The following SOX5 variants were observed in gnomAD, a reference collection of about 807,000 sequenced individuals.
The protein encoded by SOX5 is SRY-box transcription factor 5.
Under a neutral mutation model 92.0 loss-of-function variants are expected in SOX5, and 9 were observed. That is an observed-to-expected ratio of 0.10 (90% confidence interval 0.06 to 0.17). SOX5 has a LOEUF of 0.17. Among genes scored for constraint, SOX5 ranks in the 10% least tolerant of loss-of-function variants. The pLI is 1.00. For synonymous variants in SOX5, 344 were observed against 336.3 expected (o/e 1.02, Z -0.25); for missense variants, 642 against 944.5 (o/e 0.68, Z 4.20).
intron 4 of SOX5, among the ~76,000 whole-genome samples, chr12:24,183,384 G>A (rs944809293): frequency 6.6e-6 from 1 of 152,170 alleles, no homozygotes; most frequent in Admixed American, 6.5e-5. Flanking sequence ...ATCCATGAAT[G>A]ACTGCAAAGG....
chr12:23,686,166 G>C (rs556796835), intron 6 of SOX5, among the ~76,000 whole-genome samples: 1 of 152,234 alleles, frequency 6.6e-6, no homozygotes, highest in South Asian at 2.1e-4. Context: ...TGCTGAAATA[G>C]TATCAGGTTC....
chr12:23,662,168 T>TAG (rs973601766), intron 7 of SOX5, among the ~76,000 whole-genome samples: 25 of 151,410 alleles, frequency 1.7e-4, no homozygotes, highest in African/African-American at 4.6e-4. Flanking sequence ...CATATATATA[T>TAG]ATAGAGAGAG....
chr12:24,060,365 C>G (rs1939431189), intron 4 of SOX5, among the ~76,000 whole-genome samples: 2 of 152,232 alleles, frequency 1.3e-5, no homozygotes, highest in African/African-American at 4.8e-5. Flanking sequence ...GTACTGCACT[C>G]TTATACTCTC....
At chr12:24,080,482 G>A (rs1943191929) in intron 4 of SOX5, among the ~76,000 whole-genome samples, 2 of 151,922 alleles carry the variant, frequency 1.3e-5, no homozygotes, top group South Asian at 4.1e-4. Context: ...AATGAAATTT[G>A]GCTTAGTTGA....
intron 2 of SOX5, among the ~76,000 whole-genome samples, chr12:24,331,703 T>C (rs1012526079): frequency 1.4e-4 from 21 of 150,576 alleles, no homozygotes; most frequent in African/African-American, 4.6e-4. Context: ...CAAAAATTAG[T>C]TGGGTGTGGT....
At chr12:23,945,812 T>C (rs1214667248) in intron 1 of SOX5, among the ~76,000 whole-genome samples, 6 of 152,142 alleles carry the variant, frequency 3.9e-5, no homozygotes, top group Non-Finnish European at 7.4e-5. Flanking sequence ...AATGTACTTA[T>C]CACTCATGAG....
chr12:24,375,139 A>AT (rs796125806), intron 1 of SOX5, among the ~76,000 whole-genome samples: 47 of 151,514 alleles, frequency 3.1e-4, no homozygotes, highest in African/African-American at 1.1e-3. Context: ...CGCCCAGCTA[A>AT]TTTTTTTGTA....
At chr12:23,686,353 T>C (rs1477668457) in intron 6 of SOX5, among the ~76,000 whole-genome samples, 2 of 152,214 alleles carry the variant, frequency 1.3e-5, no homozygotes, top group East Asian at 1.9e-4. Flanking sequence ...TTTATTTATT[T>C]ATTTTTGTAT....
At chr12:23,852,405 A>G (rs973600260) in intron 2 of SOX5, among the ~76,000 whole-genome samples, 1 of 152,172 alleles carries the variant, frequency 6.6e-6, no homozygotes, top group Non-Finnish European at 1.5e-5. Context: ...TTATACTTCA[A>G]AAATATAATC....
chr12:24,057,551 A>C (rs947895498), intron 4 of SOX5, among the ~76,000 whole-genome samples: 2 of 152,204 alleles, frequency 1.3e-5, no homozygotes, highest in Non-Finnish European at 2.9e-5. Context: ...TTTCATCGCA[A>C]ATGCAAATTG....
At position 23,717,828 on chromosome 12, in the gene SOX5, G is replaced by A. The variant is rs80179990; in HGVS notation, c.810+16856C>T. Among the ~76,000 whole-genome samples, 1,503 of 152,270 alleles carry A rather than the reference G, an allele frequency of 9.9e-3. 51 individuals carry two copies. The highest frequency in any genetic ancestry group is 0.061 in the Admixed American group (934 of 15,284). On this transcript the variant is annotated intron_variant, in intron 6 of 14. Transcript: ENST00000451604. ...TTCTCCTTTAAGTTAACACTGTACT[G>A]CAAAGAGAAAAGTTTTATAACTATA...
intron 2 of SOX5, among the ~76,000 whole-genome samples, chr12:23,891,357 T>C (rs2097128046): frequency 6.6e-6 from 1 of 152,168 alleles, no homozygotes; most frequent in Admixed American, 6.5e-5. Flanking sequence ...TCCTACTTCC[T>C]CAAAGTCTTT....
intron 4 of SOX5, among the ~76,000 whole-genome samples, chr12:24,042,264 G>A (rs550058148): frequency 5.3e-5 from 8 of 151,892 alleles, no homozygotes; most frequent in African/African-American, 1.7e-4. Flanking sequence ...TAATAAATAC[G>A]CATTAACTTT....
At chr12:23,604,665 A>G (rs1189774713) in intron 8 of SOX5, 132 bp from the exon 9 acceptor site, 1 of 794,284 alleles carries the variant, frequency 1.3e-6, no homozygotes, top group Non-Finnish European at 1.9e-6. Flanking sequence ...TGGAATATTT[A>G]AAGAAAGAAG....
Position 23,561,629 on chromosome 12 carries a change from A to G in SOX5, c.1488+1629T>C, listed in dbSNP as rs565771723. On this transcript the variant is annotated intron_variant, in intron 11 of 14. Coordinates refer to ENST00000451604, the MANE Select transcript of SOX5 (RefSeq NM_006940.6). Reference sequence around the variant, plus strand: ...AGGAGCTTCATGAAGATGAATTTCCATACCATCAAAGTACTTTTAATGGGC... The same window carrying G: ...AGGAGCTTCATGAAGATGAATTTCCGTACCATCAAAGTACTTTTAATGGGC... Among the ~76,000 whole-genome samples the G allele has an allele frequency of 3.9e-5, 6 of 152,276 alleles. No homozygotes were observed. In the East Asian group the frequency reaches 9.6e-4, roughly 24 times the overall value.
intron 4 of SOX5, among the ~76,000 whole-genome samples, chr12:24,202,416 T>G (rs1419518496): frequency 2.0e-5 from 3 of 152,228 alleles, no homozygotes; most frequent in Admixed American, 6.5e-5. Flanking sequence ...TATTCTTTAC[T>G]CAGGTTCCCA....
At chr12:24,500,470 A>G (rs1430444175) in intron 1 of SOX5, among the ~76,000 whole-genome samples, 1 of 152,228 alleles carries the variant, frequency 6.6e-6, no homozygotes, top group Non-Finnish European at 1.5e-5. Context: ...GGAAGTTTAA[A>G]ATAACACTTG....
At chr12:24,477,381 A>G (rs4963764) in intron 1 of SOX5, among the ~76,000 whole-genome samples, 95,555 of 151,912 alleles carry the variant, frequency 0.63, 30,950 homozygotes, top group East Asian at 0.98. Flanking sequence ...TGATCCACCC[A>G]CCTCGGCCTC....
At chr12:23,910,024 C>T (rs1470342110) in intron 1 of SOX5, among the ~76,000 whole-genome samples, 1 of 151,992 alleles carries the variant, frequency 6.6e-6, no homozygotes, top group African/African-American at 2.4e-5. Flanking sequence ...GGTTTCCTCT[C>T]CATCACACCA....
Sources: allele counts gnomAD v4.1 joint callset (sites outside exome capture counted in the v4.1 genomes callset), GRCh38; gene constraint gnomAD v4.1.1; transcripts MANE v1.5; gene names NCBI Gene and HGNC (gene_info 2026-07-23, HGNC 2026-07-21).